The following CADPS variants were observed in gnomAD, a reference collection of about 807,000 sequenced individuals.
The protein encoded by CADPS is calcium dependent secretion activator.
In CADPS, 57 loss-of-function variants were observed where a neutral mutation model predicts 167.3. The observed-to-expected ratio is 0.34, with a 90% CI of 0.28 to 0.42. The LOEUF (loss-of-function observed/expected upper bound fraction) is 0.42, where lower values mean the gene tolerates loss of function less well. CADPS is among the 20% of genes least tolerant of loss of function. The pLI is 1.00. For synonymous variants in CADPS, 676 were observed against 635.3 expected (o/e 1.06, Z -0.96); for missense variants, 1,414 against 1,738.1 (o/e 0.81, Z 3.32).
intron 6 of CADPS, among the ~76,000 whole-genome samples, chr3:62,621,542 T>G (rs1158115593): frequency 6.6e-6 from 1 of 152,168 alleles, no homozygotes; most frequent in Non-Finnish European, 1.5e-5. Context: ...TGGGGTATAG[T>G]TTTTAACAGA....
intron 1 of CADPS, among the ~76,000 whole-genome samples, chr3:62,838,316 G>C (rs2076189638): frequency 6.6e-6 from 1 of 152,200 alleles, no homozygotes; most frequent in African/African-American, 2.4e-5. Flanking sequence ...GACAACACTT[G>C]ATTTATAGAA....
chr3:62,647,892 C>T (rs1271911475), intron 5 of CADPS, among the ~76,000 whole-genome samples: 1 of 152,154 alleles, frequency 6.6e-6, no homozygotes, highest in Non-Finnish European at 1.5e-5. Context: ...AAGCACCTGG[C>T]CCACAGTGGC....
At chr3:62,489,246 C>T (rs1362703295) in intron 21 of CADPS, among the ~76,000 whole-genome samples, 1 of 152,078 alleles carries the variant, frequency 6.6e-6, no homozygotes, top group Admixed American at 6.5e-5. Context: ...CTGCAAGCTC[C>T]ACCTCCTGGG....
chr3:62,656,505 A>T (rs2071632127), intron 4 of CADPS, among the ~76,000 whole-genome samples: 1 of 152,202 alleles, frequency 6.6e-6, no homozygotes, highest in Admixed American at 6.5e-5. Flanking sequence ...AGGCAGAACT[A>T]TCTGGCTCCA....
intron 1 of CADPS, among the ~76,000 whole-genome samples, chr3:62,809,517 T>C (rs77339006): frequency 0.021 from 3,244 of 152,276 alleles, 53 homozygotes; most frequent in South Asian, 0.049. Context: ...TGTGACTGTT[T>C]CCTTTTGTTG....
intron 1 of CADPS, among the ~76,000 whole-genome samples, chr3:62,863,864 T>C (rs946224875): frequency 6.6e-6 from 1 of 152,140 alleles, no homozygotes; most frequent in African/African-American, 2.4e-5. Context: ...CGCCACTGGG[T>C]GGCCATTCAC....
intron 23 of CADPS, among the ~76,000 whole-genome samples, chr3:62,474,643 G>T (rs572297435): frequency 6.6e-6 from 1 of 152,262 alleles, no homozygotes; most frequent in South Asian, 2.1e-4. Context: ...TAGCAGTATA[G>T]CATATGTAAG....
chr3:62,847,064 C>T (rs374074180), intron 1 of CADPS, among the ~76,000 whole-genome samples: 9 of 152,284 alleles, frequency 5.9e-5, no homozygotes, highest in African/African-American at 1.7e-4. Flanking sequence ...AATGCTCAAA[C>T]TGTCTGTGCC....
intron 1 of CADPS, among the ~76,000 whole-genome samples, chr3:62,812,353 A>G (rs1299464590): frequency 2.6e-5 from 4 of 152,196 alleles, no homozygotes; most frequent in Admixed American, 2.6e-4. Flanking sequence ...AAGTGAGGTG[A>G]CACTGGTCAA....
rs2049053428 is a variant in CADPS, at chr3:62,412,036, AAAGCTATAATCAGACACCG to A, written c.3778-8870_3778-8852del. Among the ~76,000 whole-genome samples the A allele has an allele frequency of 6.6e-6, 1 of 152,156 alleles. No homozygotes were observed. The highest frequency in any genetic ancestry group is 1.5e-5 in the Non-Finnish European group (1 of 68,024). On this transcript the variant is annotated intron_variant, in intron 28 of 29. Transcript: ENST00000383710. The surrounding 1 kb of genome is among the most constrained non-coding windows in gnomAD (Gnocchi z 4.1). The stretch of plus-strand genomic sequence containing the variant: ...CAGCACAAAGCTATAATCAGACACC[AAAGCTATAATCAGACACCG>A]AAGCTCTAAACAGACACCAAAATCA...
rs752105536 is a variant in CADPS at position 62,650,892 on chromosome 3, C to T, written c.1158G>A (p.Glu386=). Residue 386 remains glutamate, a synonymous_variant, in exon 5 of 30, where the codon GAG becomes GAA. Transcript: ENST00000383710. The part of the protein sequence containing the change: ...ASIIDMGEES[E]NQLSKSDVVL... ...CGACATCTGACTTGGAGAGCTGGTT[C>T]TCACTCTCCTCGCCCATGTCGATGA... The T allele has an allele frequency of 6.2e-7, 1 of 1,614,034 alleles. No individual in the cohort carries two copies. The highest frequency in any genetic ancestry group is 8.5e-7 in the Non-Finnish European group (1 of 1,179,968).
intron 13 of CADPS, chr3:62,530,684 G>C: frequency 3.9e-6 from 5 of 1,288,266 alleles, no homozygotes; most frequent in Non-Finnish European, 5.1e-6. Context: ...CTGGGTTTTG[G>C]AATCTTTTCT....
chr3:62,613,184 T>C (rs1260643445), intron 6 of CADPS, among the ~76,000 whole-genome samples: 2 of 152,292 alleles, frequency 1.3e-5, no homozygotes, highest in African/African-American at 4.8e-5. Flanking sequence ...TAACAGGGTG[T>C]GGAAGCACAG....
intron 4 of CADPS, among the ~76,000 whole-genome samples, chr3:62,660,812 G>A (rs1205084806): frequency 1.3e-5 from 2 of 152,106 alleles, no homozygotes; most frequent in Non-Finnish European, 2.9e-5. Context: ...AATTGTAATT[G>A]AAAAATACTT....
intron 17 of CADPS, among the ~76,000 whole-genome samples, chr3:62,511,088 T>C (rs1032555295): frequency 6.6e-6 from 1 of 152,110 alleles, no homozygotes; most frequent in Non-Finnish European, 1.5e-5. Context: ...CAGCCTTCAA[T>C]GACTCTTCAT....
rs887457553 is a variant in CADPS, at chr3:62,478,749, G to A, written c.3174-333C>T. Among the ~76,000 whole-genome samples, 13 of 152,172 alleles carry A rather than the reference G, an allele frequency of 8.5e-5. No individual in the cohort carries two copies. Among genetic ancestry groups the A allele is most frequent in the East Asian group, 1.9e-4 (1 of 5,194 alleles). The stretch of plus-strand genomic sequence containing the variant: ...ATGTGATGATTCAGATGAAGGCCAC[G>A]AACCAGGGGGAGAAATAGTCTCAAC... On this transcript the variant is annotated intron_variant, in intron 22 of 29. Coordinates refer to ENST00000383710, the MANE Select transcript of CADPS (RefSeq NM_003716.4). The surrounding 1 kb of genome is among the most constrained non-coding windows in gnomAD (Gnocchi z 5.7).
chr3:62,474,771 A>G (rs989311840), intron 23 of CADPS, among the ~76,000 whole-genome samples: 3 of 152,170 alleles, frequency 2.0e-5, no homozygotes, highest in African/African-American at 4.8e-5. Context: ...ATCTTAAATG[A>G]TGTTTATTGC....
At chr3:62,430,935 TA>T (rs2053800210) in intron 28 of CADPS, among the ~76,000 whole-genome samples, 1 of 152,168 alleles carries the variant, frequency 6.6e-6, no homozygotes, top group African/African-American at 2.4e-5. Context: ...CTTCTTCCTG[TA>T]ACTGCCTTTC....
intron 26 of CADPS, among the ~76,000 whole-genome samples, chr3:62,452,990 A>G (rs1161290086): frequency 6.6e-6 from 1 of 151,928 alleles, no homozygotes; most frequent in Non-Finnish European, 1.5e-5. Flanking sequence ...AAAATTAGCC[A>G]GGTGTGGTTG....
Sources: allele counts gnomAD v4.1 joint callset (sites outside exome capture counted in the v4.1 genomes callset), GRCh38; gene constraint gnomAD v4.1.1; non-coding constraint Gnocchi (gnomAD v3.1); transcripts MANE v1.5; gene names NCBI Gene and HGNC (gene_info 2026-07-23, HGNC 2026-07-21).